TMEM132C: variants seen among roughly 807,000 people sequenced by gnomAD.
TMEM132C encodes transmembrane protein 132C.
In TMEM132C, 29 loss-of-function variants were observed where a neutral mutation model predicts 61.4. The observed-to-expected ratio is 0.47, with a 90% CI of 0.35 to 0.64. TMEM132C has a LOEUF of 0.64. TMEM132C is among the 30% of genes least tolerant of loss of function. TMEM132C has a pLI of 0.00. For synonymous variants in TMEM132C, 656 were observed against 633.1 expected (o/e 1.04, Z -0.54); for missense variants, 1,408 against 1,476.9 (o/e 0.95, Z 0.76).
rs185874459 is a variant in TMEM132C at position 128,331,554 on chromosome 12, A to C, written c.85+64067A>C. ...GTGCCTGGCTTGTTTCACTTAGGAT[A>C]ATGTCCTCCAGTTCCATCCATGTTG... is the stretch of plus-strand genomic sequence containing the variant. On this transcript the variant is annotated intron_variant, in intron 1 of 8. Coordinates refer to ENST00000435159, the MANE Select transcript of TMEM132C (RefSeq NM_001136103.3). Among the ~76,000 whole-genome samples, 359 of 152,284 alleles carry C rather than the reference A, an allele frequency of 2.4e-3. 4 individuals carry two copies. Among genetic ancestry groups the C allele is most frequent in the Middle Eastern group, 0.01 (3 of 294 alleles).
chr12:128,354,099 A>G (rs1167895386), intron 1 of TMEM132C, among the ~76,000 whole-genome samples: 1 of 152,116 alleles, frequency 6.6e-6, no homozygotes, highest in African/African-American at 2.4e-5. Context: ...AGTTGGAATC[A>G]CCATTATCTG....
intron 2 of TMEM132C, among the ~76,000 whole-genome samples, chr12:128,522,711 A>T (rs1872948933): frequency 6.6e-6 from 1 of 152,196 alleles, no homozygotes; most frequent in African/African-American, 2.4e-5. Context: ...ATCCAAAATG[A>T]TTACTGAGAT....
At chr12:128,405,165 A>C (rs1326739682) in intron 1 of TMEM132C, among the ~76,000 whole-genome samples, 1 of 152,154 alleles carries the variant, frequency 6.6e-6, no homozygotes, top group Non-Finnish European at 1.5e-5. Context: ...AAGAGGAAAG[A>C]CATTTGTCAG....
At chr12:128,689,812 G>A (rs555728666) in intron 5 of TMEM132C, among the ~76,000 whole-genome samples, 14 of 152,162 alleles carry the variant, frequency 9.2e-5, no homozygotes, top group East Asian at 5.8e-4. Flanking sequence ...ATCCGCAGCC[G>A]CTGGTTACAA....
intron 4 of TMEM132C, among the ~76,000 whole-genome samples, chr12:128,660,838 A>C (rs1411691735): frequency 6.6e-6 from 1 of 152,196 alleles, no homozygotes; most frequent in Non-Finnish European, 1.5e-5. Context: ...CCTACCCACC[A>C]AAATATCTAA....
intron 4 of TMEM132C, among the ~76,000 whole-genome samples, chr12:128,649,661 AGTAT>A (rs1954248005): frequency 1.3e-5 from 2 of 152,214 alleles, no homozygotes; most frequent in East Asian, 3.8e-4. Flanking sequence ...ACTTTGGAGA[AGTAT>A]GTATTTCTCA....
At chr12:128,614,265 G>A (rs949810946) in intron 3 of TMEM132C, among the ~76,000 whole-genome samples, 1 of 152,196 alleles carries the variant, frequency 6.6e-6, no homozygotes, top group Non-Finnish European at 1.5e-5. Flanking sequence ...AATATTTTAG[G>A]TTTTGCAGGC....
chr12:128,339,439 G>A (rs1200853481), intron 1 of TMEM132C, among the ~76,000 whole-genome samples: 1 of 152,026 alleles, frequency 6.6e-6, no homozygotes, highest in Non-Finnish European at 1.5e-5. Context: ...CAAGGCCTGC[G>A]GTTCAGCACA....
chr12:128,448,934 G>A (rs897458351), intron 2 of TMEM132C, among the ~76,000 whole-genome samples: 5 of 151,696 alleles, frequency 3.3e-5, no homozygotes, highest in Non-Finnish European at 5.9e-5. Flanking sequence ...TCAGGAGATC[G>A]AGACCATCCT....
At chr12:128,607,118 G>A (rs1196496601) in intron 3 of TMEM132C, among the ~76,000 whole-genome samples, 1 of 152,146 alleles carries the variant, frequency 6.6e-6, no homozygotes, top group Non-Finnish European at 1.5e-5. Flanking sequence ...TGTGAGCTGA[G>A]ACCTAAAGGA....
At chr12:128,402,952 G>A (rs1161991676) in intron 1 of TMEM132C, among the ~76,000 whole-genome samples, 1 of 152,174 alleles carries the variant, frequency 6.6e-6, no homozygotes, top group African/African-American at 2.4e-5. Flanking sequence ...TGATTATGGA[G>A]CGCTCCCAGA....
chr12:128,306,266 G>A (rs1250726405), intron 1 of TMEM132C, among the ~76,000 whole-genome samples: 1 of 149,776 alleles, frequency 6.7e-6, no homozygotes, highest in Admixed American at 6.7e-5. Flanking sequence ...GTACAGTGGC[G>A]ATCTCAGCTC....
chr12:128,503,715 G>A (rs1367077695), intron 2 of TMEM132C, among the ~76,000 whole-genome samples: 1 of 152,192 alleles, frequency 6.6e-6, no homozygotes, highest in African/African-American at 2.4e-5. Flanking sequence ...TTACACAGAT[G>A]AGGAAATGGA....
intron 3 of TMEM132C, among the ~76,000 whole-genome samples, chr12:128,588,693 TAA>T (rs553855046): frequency 3.9e-4 from 60 of 152,256 alleles, no homozygotes; most frequent in Admixed American, 3.5e-3. Flanking sequence ...CACGCCTTAA[TAA>T]AAGAGGCCAC....
chr12:128,707,231 GC>G lies in TMEM132C; in HGVS notation c.*940del, dbSNP rs1954849096. ...GACGGGATGTGGCCAGGAGAACAGA[GC>G]CCCACCTGGACCACCTGACCCCTCG... On this transcript the variant is annotated 3_prime_UTR_variant, in exon 9 of 9. Transcript: ENST00000435159. 6.6e-6 allele frequency: 1 copy of G among 152,308 alleles called. No homozygotes were observed. Among genetic ancestry groups the G allele is most frequent in the East Asian group, 1.9e-4 (1 of 5,170 alleles). 9.4% of individuals were successfully genotyped at this position (152,308 alleles called of 1,614,324 possible). A position where few individuals can be genotyped will look rare whatever the true frequency, so the allele number is the denominator to read the frequency against.
chr12:128,488,291 T>C (rs1045196740), intron 2 of TMEM132C, among the ~76,000 whole-genome samples: 1 of 152,228 alleles, frequency 6.6e-6, no homozygotes, highest in Admixed American at 6.5e-5. Flanking sequence ...GTGTACCCTG[T>C]TTGATTGACT....
chr12:128,375,065 A>C (rs370379710), intron 1 of TMEM132C, among the ~76,000 whole-genome samples: 1 of 151,842 alleles, frequency 6.6e-6, no homozygotes, highest in African/African-American at 2.4e-5. Flanking sequence ...CCTGTGTACT[A>C]TGCAATGTTC....
At chr12:128,661,901 C>T (rs904364608) in intron 4 of TMEM132C, among the ~76,000 whole-genome samples, 3 of 151,922 alleles carry the variant, frequency 2.0e-5, no homozygotes, top group African/African-American at 7.3e-5. Flanking sequence ...AACATAAAAG[C>T]AAAAGACAAT....
At chr12:128,482,022 C>T (rs1871329161) in intron 2 of TMEM132C, among the ~76,000 whole-genome samples, 1 of 152,140 alleles carries the variant, frequency 6.6e-6, no homozygotes, top group African/African-American at 2.4e-5. Flanking sequence ...GTGATATTGG[C>T]TGTTGGTCTG....
Sources: gnomAD v4.1 joint callset for allele counts (sites outside exome capture counted in the v4.1 genomes callset) on GRCh38, gnomAD v4.1.1 for gene constraint, MANE v1.5 for transcripts, NCBI Gene and HGNC (gene_info 2026-07-23, HGNC 2026-07-21) for gene names.